The following OSBPL9 variants were observed in gnomAD, a reference collection of about 807,000 sequenced individuals.
OSBPL9 encodes the protein oxysterol binding protein like 9, also known as oxysterol-binding protein-related protein 9.
OSBPL9 carries 40 observed loss-of-function variants against 106.6 expected under a neutral mutation model. The ratio of observed to expected loss-of-function variants is 0.38; its 90% CI spans 0.29 to 0.49. The LOEUF is 0.49. Ranked by LOEUF, OSBPL9 falls within the 20% of genes least tolerant of loss-of-function variation. OSBPL9 has a pLI of 0.97. For missense variants in OSBPL9, 609 were observed against 887.2 expected, an observed-to-expected ratio of 0.69 and a Z score of 3.98; for synonymous variants, 269 against 295.4, an observed-to-expected ratio of 0.91 and a Z score of 0.92.
chr1:51,530,301 A>G, the OSBPL9 span, among the ~76,000 whole-genome samples: 1 of 151,838 alleles, frequency 6.6e-6, no homozygotes, highest in East Asian at 1.9e-4. Flanking sequence ...AAGAAAAATT[A>G]GATAAACTGG....
At chr1:51,562,260 G>A in the OSBPL9 span, among the ~76,000 whole-genome samples, 4 of 152,110 alleles carry the variant, frequency 2.6e-5, no homozygotes, top group African/African-American at 9.7e-5. Context: ...TGCATAGTGA[G>A]TGAGTTATCA....
intron 1 of OSBPL9, among the ~76,000 whole-genome samples, chr1:51,590,619 C>CAAAAAAAAAAA (rs572208174): frequency 1.9e-5 from 1 of 53,186 alleles, no homozygotes; most frequent in Non-Finnish European, 3.8e-5. Flanking sequence ...GACTCCGTCT[C>CAAAAAAAAAAA]AAAAAAAAAA....
intron 4 of OSBPL9, among the ~76,000 whole-genome samples, chr1:51,730,511 G>GT (rs1202316865): frequency 1.3e-5 from 2 of 152,152 alleles, no homozygotes; most frequent in African/African-American, 4.8e-5. Context: ...TTGTTTTTGA[G>GT]TATGTGTGTC....
At position 51,765,808 on chromosome 1, in the gene OSBPL9, T is replaced by A; in HGVS notation, c.779-14T>A. 1 of 1,596,788 alleles carries A rather than the reference T, an allele frequency of 6.3e-7. No individual in the cohort carries two copies. Among genetic ancestry groups the A allele is most frequent in the Non-Finnish European group, 8.5e-7 (1 of 1,173,568 alleles). ...TCACCAATATTTTTCTCTAAAACCC[T>A]TTTAACTTCCTAGGCAGTGGCCATT... On this transcript the variant is annotated splice_polypyrimidine_tract_variant and intron_variant, in intron 11 of 23. Transcript: ENST00000428468.
chr1:51,772,780 G>C lies in OSBPL9; in HGVS notation c.1170+57G>C, dbSNP rs879070755. The C allele has an allele frequency of 4.5e-6, 5 of 1,120,322 alleles. No individual in the cohort carries two copies. The African/African-American group carries it at 7.6e-5, about 17-fold the overall frequency. The allele number at this position is 1,120,322 out of a possible 1,614,324, so 69.4% of individuals were successfully genotyped here. ...GTATGTATGGATTCTCAGTGATTGC[G>C]TGGTGAGTGTGCCTGCAAATGTAGT... is the stretch of plus-strand genomic sequence containing the variant. On this transcript the variant is annotated intron_variant, in intron 14 of 23. Coordinates refer to ENST00000428468, the MANE Select transcript of OSBPL9 (RefSeq NM_024586.6).
chr1:51,610,326 A>G (rs537132270), intron 2 of OSBPL9, among the ~76,000 whole-genome samples: 2 of 151,970 alleles, frequency 1.3e-5, no homozygotes, highest in African/African-American at 2.4e-5. Context: ...CGGTGGCGCA[A>G]TCTCTGCTCA....
chr1:51,729,810 G>A lies in OSBPL9; in HGVS notation c.319-15726G>A, dbSNP rs1418188754. ...CGGGGAGGGGACGGGAAAGGGGTGG[G>A]GGGTGAAGGGGGTGAAGGGGGTGTC... On this transcript the variant is annotated intron_variant, in intron 4 of 23. Coordinates refer to ENST00000428468, the MANE Select transcript of OSBPL9 (RefSeq NM_024586.6). This position sits in a 1 kb window ranked among gnomAD's most constrained non-coding sequence, Gnocchi z 5.1. 2 of 1,230,302 alleles carry A rather than the reference G, an allele frequency of 1.6e-6. No homozygotes were observed. Among genetic ancestry groups the A allele is most frequent in the South Asian group, 4.2e-5 (1 of 23,596 alleles). The allele number at this position is 1,230,302 out of a possible 1,614,324, so 76.2% of individuals were successfully genotyped here. A position where few individuals can be genotyped will look rare whatever the true frequency, so the allele number is the denominator to read the frequency against.
At chr1:51,594,346 G>C (rs1356372028) in intron 1 of OSBPL9, among the ~76,000 whole-genome samples, 1 of 152,036 alleles carries the variant, frequency 6.6e-6, no homozygotes, top group Non-Finnish European at 1.5e-5. Flanking sequence ...AGGTTGCAGT[G>C]AGCCGAGATC....
chr1:51,576,038 C>A (rs1342788109), upstream of OSBPL9, among the ~76,000 whole-genome samples: 1 of 152,214 alleles, frequency 6.6e-6, no homozygotes, highest in African/African-American at 2.4e-5. Flanking sequence ...TTGACTCTAA[C>A]TGCTTCTATA....
At chr1:51,702,326 T>C (rs1257586695) in intron 3 of OSBPL9, among the ~76,000 whole-genome samples, 2 of 152,224 alleles carry the variant, frequency 1.3e-5, no homozygotes, top group Non-Finnish European at 2.9e-5. Flanking sequence ...CCTGACTTTT[T>C]AATGATCGCC....
chr1:51,783,220 C>T (rs1676797310), intron 17 of OSBPL9, among the ~76,000 whole-genome samples: 1 of 151,642 alleles, frequency 6.6e-6, no homozygotes, highest in Non-Finnish European at 1.5e-5. Context: ...TTGCTCTGTC[C>T]CCCAGGGTGG....
At chr1:51,787,607 A>C in intron 23 of OSBPL9, 108 bp from the exon 24 acceptor site, 1 of 1,601,082 alleles carries the variant, frequency 6.2e-7, no homozygotes, top group Non-Finnish European at 8.5e-7. Context: ...TCCCTACTTG[A>C]AACTCATTTC....
the OSBPL9 span, among the ~76,000 whole-genome samples, chr1:51,528,260 T>C: frequency 6.6e-6 from 1 of 152,062 alleles, no homozygotes; most frequent in African/African-American, 2.4e-5. Flanking sequence ...GATGATCTTG[T>C]ATATATAGAA....
intron 4 of OSBPL9, chr1:51,745,298 A>C: frequency 2.2e-6 from 1 of 453,956 alleles, no homozygotes; most frequent in South Asian, 2.9e-5. Context: ...GAGTAAATCC[A>C]ATTTGAGCAG....
intron 3 of OSBPL9, among the ~76,000 whole-genome samples, chr1:51,693,906 T>A (rs184156732): frequency 4.9e-4 from 74 of 152,304 alleles, no homozygotes; most frequent in African/African-American, 1.7e-3. Flanking sequence ...CACAGATACA[T>A]AATGAGCAAG....
At chr1:51,754,562 T>C (rs1340631769) in intron 8 of OSBPL9, among the ~76,000 whole-genome samples, 1 of 152,212 alleles carries the variant, frequency 6.6e-6, no homozygotes, top group African/African-American at 2.4e-5. Flanking sequence ...GGCTTTAATT[T>C]TGTCAGTTCC....
chr1:51,660,792 C>T (rs995981146), intron 2 of OSBPL9, among the ~76,000 whole-genome samples: 25 of 152,196 alleles, frequency 1.6e-4, no homozygotes, highest in African/African-American at 6.0e-4. Context: ...CTGTATGTTC[C>T]TCCAGGGCAT....
intron 11 of OSBPL9, among the ~76,000 whole-genome samples, chr1:51,762,566 A>G (rs1289932413): frequency 6.6e-6 from 1 of 152,238 alleles, no homozygotes; most frequent in Non-Finnish European, 1.5e-5. Context: ...CTCCAGCTAG[A>G]CTTGCATACT....
rs373518786 is a variant in OSBPL9 at position 51,668,789 on chromosome 1, G to A, written c.163-645G>A. ...GCTCTTATTTAGAAACATATACTAA[G>A]TATGTACTTAAGTGCCATGTATCAA... On this transcript the variant is annotated intron_variant, in intron 2 of 23. Transcript: ENST00000428468. 7.1e-4 allele frequency among the ~76,000 whole-genome samples: 108 copies of A among 152,252 alleles called. 3 individuals are homozygous for A. In the South Asian group the frequency reaches 0.021, roughly 30 times the overall value.
Sources: allele counts gnomAD v4.1 joint callset (sites outside exome capture counted in the v4.1 genomes callset), GRCh38; gene constraint gnomAD v4.1.1; non-coding constraint Gnocchi (gnomAD v3.1); transcripts MANE v1.5; gene names NCBI Gene and HGNC (gene_info 2026-07-23, HGNC 2026-07-21).